Variants in DCBLD2 observed in about 807,000 individuals in gnomAD.
The protein encoded by DCBLD2 is discoidin, CUB and LCCL domain containing 2.
In DCBLD2, 54 loss-of-function variants were observed where a neutral mutation model predicts 86.8. The ratio of observed to expected loss-of-function variants is 0.62; its 90% CI spans 0.50 to 0.78. The LOEUF is 0.78. Ranked by LOEUF, DCBLD2 falls within the 30% of genes least tolerant of loss-of-function variation. The pLI, the probability that DCBLD2 is intolerant of heterozygous loss-of-function variation, is 0.00. For synonymous variants in DCBLD2, 354 were observed against 341.3 expected (o/e 1.04, Z -0.41); for missense variants, 908 against 954.2 (o/e 0.95, Z 0.64).
chr3:98,801,710 C>G (rs1559766738), intron 13 of DCBLD2, 61 bp from the exon 14 acceptor site: 38 of 1,322,630 alleles, frequency 2.9e-5, no homozygotes, highest in Admixed American at 1.9e-4. Flanking sequence ...GCCTGCTCCC[C>G]CTACCCCATG....
intron 2 of DCBLD2, among the ~76,000 whole-genome samples, chr3:98,871,940 T>C (rs543351361): frequency 6.6e-6 from 1 of 152,088 alleles, no homozygotes; most frequent in Non-Finnish European, 1.5e-5. Context: ...CATTGGGAGA[T>C]TTTTTATTAC....
intron 2 of DCBLD2, among the ~76,000 whole-genome samples, chr3:98,867,067 T>G (rs1445376069): frequency 6.6e-6 from 1 of 152,204 alleles, no homozygotes; most frequent in Non-Finnish European, 1.5e-5. Flanking sequence ...TTGGTCTATA[T>G]CTCTGTTTTG....
intron 3 of DCBLD2, among the ~76,000 whole-genome samples, chr3:98,848,999 A>G (rs538931261): frequency 1.3e-3 from 200 of 152,128 alleles, no homozygotes; most frequent in Non-Finnish European, 2.5e-3. Flanking sequence ...TAGAAACCCC[A>G]TCTCTACTAA....
chr3:98,860,117 G>T (rs1559789735), intron 2 of DCBLD2, among the ~76,000 whole-genome samples: 1 of 152,114 alleles, frequency 6.6e-6, no homozygotes, highest in Non-Finnish European at 1.5e-5. Context: ...TGGAAGAAAG[G>T]GTATCGGTGA....
intron 1 of DCBLD2, among the ~76,000 whole-genome samples, chr3:98,886,350 C>T (rs1052919636): frequency 1.3e-5 from 2 of 151,942 alleles, no homozygotes; most frequent in Non-Finnish European, 2.9e-5. Context: ...TAGCTTTGTA[C>T]ACTGGGAAGA....
intron 1 of DCBLD2, among the ~76,000 whole-genome samples, chr3:98,891,316 G>A (rs1943658263): frequency 1.3e-5 from 2 of 151,928 alleles, no homozygotes; most frequent in Admixed American, 6.6e-5. Context: ...TGCAGGAAGA[G>A]GAAGAAGATT....
At chr3:98,857,612 C>T (rs933759702) in intron 2 of DCBLD2, among the ~76,000 whole-genome samples, 2 of 152,178 alleles carry the variant, frequency 1.3e-5, no homozygotes, top group African/African-American at 4.8e-5. Flanking sequence ...TTCACAAACC[C>T]TGAGCTAGAC....
chr3:98,830,753 G>GT (rs1363486757), intron 3 of DCBLD2, among the ~76,000 whole-genome samples: 3 of 152,140 alleles, frequency 2.0e-5, no homozygotes, highest in African/African-American at 7.2e-5. Flanking sequence ...TTCTAAAGTA[G>GT]TTTTTTCTAG....
At chr3:98,866,179 T>G (rs1266425467) in intron 2 of DCBLD2, among the ~76,000 whole-genome samples, 2 of 152,194 alleles carry the variant, frequency 1.3e-5, no homozygotes, top group Admixed American at 1.3e-4. Flanking sequence ...GACGTGTGCA[T>G]GTGTCTTTAT....
rs756038016 is a variant in DCBLD2, at chr3:98,819,429, A to G, written c.872-12T>C. On this transcript the variant is annotated splice_polypyrimidine_tract_variant and intron_variant, in intron 7 of 15. Coordinates refer to ENST00000326840, the MANE Select transcript of DCBLD2 (RefSeq NM_080927.4). ...TGTTCCATAACATCCTGAAACAAAG[A>G]AAAGACTAAATTTGGTTTCCAGGTA... 5 of 1,613,018 alleles carry G rather than the reference A, an allele frequency of 3.1e-6. No individual in the cohort carries two copies. In the Admixed American group the frequency reaches 8.3e-5, roughly 27 times the overall value.
chr3:98,888,781 A>C (rs1169374335), intron 1 of DCBLD2, among the ~76,000 whole-genome samples: 2 of 151,956 alleles, frequency 1.3e-5, no homozygotes, highest in African/African-American at 2.4e-5. Context: ...AGAAAGTATA[A>C]ATTTATGAGA....
At chr3:98,900,618 T>C (rs900694391) in intron 1 of DCBLD2, 4 of 162,996 alleles carry the variant, frequency 2.5e-5, no homozygotes, top group African/African-American at 7.2e-5. Flanking sequence ...TGATGGATTG[T>C]AAAGAACATG....
At chr3:98,866,394 T>C (rs1943146109) in intron 2 of DCBLD2, among the ~76,000 whole-genome samples, 1 of 152,240 alleles carries the variant, frequency 6.6e-6, no homozygotes, top group Non-Finnish European at 1.5e-5. Context: ...TTTTTAATGA[T>C]CACCATTCTA....
At chr3:98,861,202 C>G (rs1445098448) in intron 2 of DCBLD2, among the ~76,000 whole-genome samples, 1 of 152,168 alleles carries the variant, frequency 6.6e-6, no homozygotes, top group African/African-American at 2.4e-5. Context: ...GCAGCCAATA[C>G]AGGAGAACCC....
At chr3:98,818,660 C>G (rs1308690600) in intron 8 of DCBLD2, among the ~76,000 whole-genome samples, 4 of 152,192 alleles carry the variant, frequency 2.6e-5, no homozygotes, top group Non-Finnish European at 5.9e-5. Context: ...TAATCTGCAT[C>G]AGCACGGCCA....
At chr3:98,861,697 T>C (rs1943047367) in intron 2 of DCBLD2, among the ~76,000 whole-genome samples, 1 of 151,968 alleles carries the variant, frequency 6.6e-6, no homozygotes. Context: ...AGACACAACA[T>C]ACCAGAATCT....
rs779341410 is a variant in DCBLD2 at position 98,822,346 on chromosome 3, T to C, written c.712A>G (p.Met238Val). Residue 238 changes from methionine (M) to valine (V), a missense_variant, in exon 6 of 16, where the codon ATG becomes GTG. By Grantham distance (21) the Met-to-Val change is conservative. Coordinates refer to ENST00000326840, the MANE Select transcript of DCBLD2 (RefSeq NM_080927.4). ...HGYRDSSPLC[M>V]AGVHAGVVSN... ...ACTACTCCTGCATGCACACCAGCCA[T>C]GCACAATGGCGAGGACTTAAGGAAG... 3 of 1,613,398 alleles carry C rather than the reference T, an allele frequency of 1.9e-6. No homozygotes were observed. The highest frequency in any genetic ancestry group is 2.2e-5 in the East Asian group (1 of 44,878).
chr3:98,882,862 A>G (rs1943496548), intron 1 of DCBLD2, among the ~76,000 whole-genome samples: 1 of 152,234 alleles, frequency 6.6e-6, no homozygotes, highest in African/African-American at 2.4e-5. Context: ...TGCTATTGTG[A>G]ATAGTGCCGC....
intron 12 of DCBLD2, among the ~76,000 whole-genome samples, chr3:98,809,320 G>A (rs1020994664): frequency 7.4e-6 from 1 of 136,024 alleles, no homozygotes; most frequent in African/African-American, 2.8e-5. Context: ...ACTGCAATGA[G>A]TCTAACCTGC....
Sources: allele counts gnomAD v4.1 joint callset (sites outside exome capture counted in the v4.1 genomes callset), GRCh38; gene constraint gnomAD v4.1.1; transcripts MANE v1.5; gene names NCBI Gene and HGNC (gene_info 2026-07-23, HGNC 2026-07-21).